The following ZSWIM8 variants were observed in gnomAD, a reference collection of about 807,000 sequenced individuals.
The protein encoded by ZSWIM8 is zinc finger SWIM domain-containing protein 8.
Under a neutral mutation model 173.7 loss-of-function variants are expected in ZSWIM8, and 27 were observed. That is an observed-to-expected ratio of 0.16 (90% CI 0.11 to 0.21). The LOEUF is 0.21. Among genes scored for constraint, ZSWIM8 ranks in the 10% least tolerant of loss-of-function variants. The pLI, the probability that ZSWIM8 is intolerant of heterozygous loss-of-function variation, is 1.00. For synonymous variants in ZSWIM8, 958 were observed against 962.0 expected, an observed-to-expected ratio of 1.00 and a Z score of 0.08; for missense variants, 1,627 against 2,428.8, an observed-to-expected ratio of 0.67 and a Z score of 6.94.
chr10:73,792,817 G>A lies in ZSWIM8; in HGVS notation c.2278G>A (p.Gly760Arg). 1 of 1,592,238 alleles carries A rather than the reference G, an allele frequency of 6.3e-7. No homozygotes were observed. The highest frequency in any genetic ancestry group is 8.5e-7 in the Non-Finnish European group (1 of 1,173,548). ...TGGGGAGGAGCACGACCTGTTTGCT[G>A]GGCTGAAGCCACTGGAACAGGAGAG... ...GAGEEHDLFA[G>R]LKPLEQESRM... The change falls in exon 10 of 26, where the codon GGG (glycine) becomes AGG (arginine). Residue 760 changes from glycine to arginine, a missense_variant. Physicochemically the swap from Gly to Arg is moderately radical, Grantham distance 125. Transcript: ENST00000604729. The surrounding 1 kb of genome is among the most constrained non-coding windows in gnomAD (Gnocchi z 4.3).
chr10:73,788,844 G>T, intron 2 of ZSWIM8, 21 bp downstream of exon 2: 1 of 1,612,520 alleles, frequency 6.2e-7, no homozygotes. Context: ...AGGACTGATG[G>T]TGGGGAGCGG....
chr10:73,792,793 G>A lies in ZSWIM8; in HGVS notation c.2254G>A (p.Gly752Arg), dbSNP rs1298040793. The change falls in exon 10 of 26, where the codon GGG (glycine) becomes AGG (arginine). Residue 752 changes from glycine to arginine, a missense_variant. Physicochemically the swap from Gly to Arg is moderately radical, Grantham distance 125. Coordinates refer to ENST00000604729, the MANE Select transcript of ZSWIM8 (RefSeq NM_001367799.1). The surrounding 1 kb of genome is among the most constrained non-coding windows in gnomAD (Gnocchi z 4.3). ...GGAAGAGAAGGCCGAGGGCGGGGCT[G>A]GGGAGGAGCACGACCTGTTTGCTGG... ...GEEEKAEGGA[G>R]EEHDLFAGLK... is the part of the protein sequence containing the mutation. 2 of 1,605,356 alleles carry A rather than the reference G, an allele frequency of 1.2e-6. No individual in the cohort carries two copies. The highest frequency in any genetic ancestry group is 1.3e-5 in the African/African-American group (1 of 74,880).
In ZSWIM8 at chr10:73,792,332, C is replaced by T; in HGVS notation, c.1793C>T (p.Ser598Leu). 1 of 1,612,848 alleles carries T rather than the reference C, an allele frequency of 6.2e-7. No individual in the cohort carries two copies. Among genetic ancestry groups the T allele is most frequent in the Non-Finnish European group, 8.5e-7 (1 of 1,179,496 alleles). Reference protein sequence around the residue: ...LGGAGSGSKGSAGGGSKRRLS... With the variant: ...LGGAGSGSKGLAGGGSKRRLS... ...GGGGCTGGCAGTGGGAGCAAGGGCT[C>T]AGCAGGTGGCGGAAGCAAGCGACGG... Residue 598 changes from serine to leucine, a missense_variant, in exon 10 of 26, where the codon TCA becomes TTA. Around this residue, in one of 18 missense-constraint regions of ZSWIM8, gnomAD observed 383 missense variants for 394.8 expected, o/e 0.97. Transcript: ENST00000604729. This position sits in a 1 kb window ranked among gnomAD's most constrained non-coding sequence, Gnocchi z 4.3.
Position 73,797,891 on chromosome 10 carries a change from G to C in ZSWIM8, c.3773G>C (p.Gly1258Ala). 1 of 1,613,912 alleles carries C rather than the reference G, an allele frequency of 6.2e-7. No homozygotes were observed. ...ELAKTVLIKAGGNSSTSIFTH... is the reference protein window; with the variant it reads ...ELAKTVLIKAAGNSSTSIFTH... ...GCGAAGACAGTGCTGATCAAGGCAGGGGGCAACAGCAGCACTTCCATTTTC... is the reference window on the plus strand; with the variant it reads ...GCGAAGACAGTGCTGATCAAGGCAGCGGGCAACAGCAGCACTTCCATTTTC... Residue 1258 changes from glycine to alanine, a missense_variant, in exon 19 of 26, where the codon GGG becomes GCG. Physicochemically the swap from Gly to Ala is moderately conservative, Grantham distance 60 (BLOSUM62 0). Coordinates refer to ENST00000604729, the MANE Select transcript of ZSWIM8 (RefSeq NM_001367799.1). This position sits in a 1 kb window ranked among gnomAD's most constrained non-coding sequence, Gnocchi z 5.6.
Position 73,792,537 on chromosome 10 carries a change from T to G in ZSWIM8, c.1998T>G (p.Thr666=). The change falls in exon 10 of 26, where the codon ACT becomes ACG. Residue 666 remains threonine, a synonymous_variant. Transcript: ENST00000604729. The surrounding 1 kb of genome is among the most constrained non-coding windows in gnomAD (Gnocchi z 4.3). ...CTTTCCTTCCTGAGCCCCCAGATAC[T>G]TATGAAGAAGATGGTGGTGTGTACT... ...PSTFLPEPPD[T]YEEDGGVYFS... is the part of the protein sequence containing the mutation. 1 of 1,613,988 alleles carries G rather than the reference T, an allele frequency of 6.2e-7. No individual in the cohort carries two copies. The highest frequency in any genetic ancestry group is 8.5e-7 in the Non-Finnish European group (1 of 1,179,864).
Position 73,800,796 on chromosome 10 carries a change from C to A in ZSWIM8, c.5122+37C>A, listed in dbSNP as rs550813634. On this transcript the variant is annotated intron_variant, in intron 24 of 25. Transcript: ENST00000604729. This position sits in a 1 kb window ranked among gnomAD's most constrained non-coding sequence, Gnocchi z 4.1. Reference sequence around the variant, plus strand: ...CCTCCCTAGGACCATTGCCCCCCCCCCACCTGCTCTCCCCACCTTCCTTAT... The same window carrying A: ...CCTCCCTAGGACCATTGCCCCCCCCACACCTGCTCTCCCCACCTTCCTTAT... 79 of 1,468,588 alleles carry A rather than the reference C, an allele frequency of 5.4e-5. No individual in the cohort carries two copies. Among genetic ancestry groups the A allele is most frequent in the Non-Finnish European group, 6.1e-5 (66 of 1,076,360 alleles). 91.0% of individuals were successfully genotyped at this position (1,468,588 alleles called of 1,614,324 possible). A position where few individuals can be genotyped will look rare whatever the true frequency, so the allele number is the denominator to read the frequency against.
chr10:73,793,842 T>C lies in ZSWIM8; in HGVS notation c.2446-23T>C, dbSNP rs564884796. 122 of 1,592,778 alleles carry C rather than the reference T, an allele frequency of 7.7e-5. 4 individuals carry two copies. In the South Asian group the frequency reaches 1.3e-3, roughly 17 times the overall value. On this transcript the variant is annotated intron_variant, in intron 11 of 25. Coordinates refer to ENST00000604729, the MANE Select transcript of ZSWIM8 (RefSeq NM_001367799.1). ...GGTAAGTCAGAATCATCTGCCTGTC[T>C]CCTGTGTTTCTTCCCTTTCTAGGGC...
intron 2 of ZSWIM8, 110 bp from the exon 3 acceptor site, chr10:73,788,986 T>G: frequency 2.1e-6 from 1 of 474,934 alleles, no homozygotes; most frequent in Non-Finnish European, 3.4e-6. Flanking sequence ...CCCCCCGCCC[T>G]GGGGAAGGAA....
chr10:73,794,865 ATTGT>A, intron 14 of ZSWIM8: 1 of 289,116 alleles, frequency 3.5e-6, no homozygotes, highest in Non-Finnish European at 6.6e-6. Context: ...AAGCAGGAGG[ATTGT>A]TTGAGCTCAG....
rs756146716 is a variant in ZSWIM8 at position 73,800,710 on chromosome 10, C to T, written c.5073C>T (p.Pro1691=). The T allele has an allele frequency of 1.2e-6, 2 of 1,613,800 alleles. No homozygotes were observed. The highest frequency in any genetic ancestry group is 1.7e-6 in the Non-Finnish European group (2 of 1,179,814). The change falls in exon 24 of 26, where the codon CCC becomes CCT. Residue 1691 remains proline, a synonymous_variant. Coordinates refer to ENST00000604729, the MANE Select transcript of ZSWIM8 (RefSeq NM_001367799.1). This position sits in a 1 kb window ranked among gnomAD's most constrained non-coding sequence, Gnocchi z 4.1. The part of the protein sequence containing the change: ...NDHPNNFSRS[P]PYTDDVKWLL... The stretch of plus-strand genomic sequence containing the variant: ...ACCCCAACAACTTCTCCCGCTCCCC[C>T]CCCTACACTGATGATGTCAAATGGT...
Position 73,785,766 on chromosome 10 carries a change from C to A in ZSWIM8, c.-113C>A. 1 of 1,195,980 alleles carries A rather than the reference C, an allele frequency of 8.4e-7. No individual in the cohort carries two copies. The highest frequency in any genetic ancestry group is 1.2e-6 in the Non-Finnish European group (1 of 852,352). The allele number at this position is 1,195,980 out of a possible 1,614,324, so 74.1% of individuals were successfully genotyped here. ...GGCACGGCCGCCCTGAGCGCCCCGG[C>A]CACCCCCAGCCCCGGCTCGCCCCTC... On this transcript the variant is annotated 5_prime_UTR_variant, in exon 1 of 26. Transcript: ENST00000604729.
intron 6 of ZSWIM8, 56 bp downstream of exon 6, chr10:73,790,093 C>T (rs1257309611): frequency 2.1e-5 from 33 of 1,609,488 alleles, no homozygotes; most frequent in African/African-American, 6.7e-5. Context: ...TAGTACAGAG[C>T]GCCATTTACT....
At chr10:73,793,808 C>G (rs1019279209) in intron 11 of ZSWIM8, 57 bp from the exon 12 acceptor site, 1 of 1,566,874 alleles carries the variant, frequency 6.4e-7, no homozygotes, top group Admixed American at 1.8e-5. Flanking sequence ...ATCCTTCTAC[C>G]TCCACCAAGG....
At chr10:73,795,873 G>C (rs555201290) in intron 15 of ZSWIM8, among the ~76,000 whole-genome samples, 1 of 151,260 alleles carries the variant, frequency 6.6e-6, no homozygotes, top group East Asian at 2.0e-4. Flanking sequence ...TGAGGTGGGA[G>C]GATTGCTTGA....
chr10:73,798,268 C>T lies in ZSWIM8; in HGVS notation c.3991C>T (p.Leu1331=). The change falls in exon 20 of 26, where the codon CTG becomes TTG. Residue 1331 remains leucine (L), a synonymous_variant. Coordinates refer to ENST00000604729, the MANE Select transcript of ZSWIM8 (RefSeq NM_001367799.1). ...MEIGSAALTI[L]VECWDGHLTP... is the part of the protein sequence containing the mutation. Reference sequence around the variant, plus strand: ...GATAGGCAGCGCAGCCCTGACTATACTGGTAGAATGCTGGGATGGGCACCT... The same window carrying T: ...GATAGGCAGCGCAGCCCTGACTATATTGGTAGAATGCTGGGATGGGCACCT... 1.9e-6 allele frequency: 3 copies of T among 1,614,024 alleles called. No individual in the cohort carries two copies. The highest frequency in any genetic ancestry group is 2.5e-6 in the Non-Finnish European group (3 of 1,179,890).
rs1360566594 is a variant in ZSWIM8, at chr10:73,801,793, A to G, written c.*274A>G. ...AATATATAAACTCCTTTTTTACTCTAGTCGACCTGGGCCTTTCCCTTCTTT... is the reference window on the plus strand; with the variant it reads ...AATATATAAACTCCTTTTTTACTCTGGTCGACCTGGGCCTTTCCCTTCTTT... On this transcript the variant is annotated 3_prime_UTR_variant, in exon 26 of 26. Coordinates refer to ENST00000604729, the MANE Select transcript of ZSWIM8 (RefSeq NM_001367799.1). This position sits in a 1 kb window ranked among gnomAD's most constrained non-coding sequence, Gnocchi z 4.9. 2 of 1,383,782 alleles carry G rather than the reference A, an allele frequency of 1.4e-6. No individual in the cohort carries two copies. Among genetic ancestry groups the G allele is most frequent in the South Asian group, 2.6e-5 (2 of 76,000 alleles). The allele number at this position is 1,383,782 out of a possible 1,614,324, so 85.7% of individuals were successfully genotyped here.
In ZSWIM8 at chr10:73,801,624, T is replaced by A; in HGVS notation, c.*105T>A. The A allele has an allele frequency of 6.5e-7, 1 of 1,540,804 alleles. No individual in the cohort carries two copies. Among genetic ancestry groups the A allele is most frequent in the Non-Finnish European group, 8.7e-7 (1 of 1,148,662 alleles). ...GCTGGACAGATCATCCTCACTCAGT[T>A]CCCTGGTAGCACAGACTGACAGCTG... On this transcript the variant is annotated 3_prime_UTR_variant, in exon 26 of 26. Transcript: ENST00000604729. This position sits in a 1 kb window ranked among gnomAD's most constrained non-coding sequence, Gnocchi z 4.9.
chr10:73,794,514 G>A (rs2083539156), intron 13 of ZSWIM8, 27 bp from the exon 14 acceptor site: 6 of 1,565,506 alleles, frequency 3.8e-6, no homozygotes, highest in East Asian at 2.4e-5. Context: ...ACTTCTGTCT[G>A]CCTGACTTAC....
Position 73,792,710 on chromosome 10 carries a change from A to G in ZSWIM8, c.2171A>G (p.Glu724Gly), listed in dbSNP as rs2083462541. Residue 724 changes from glutamate to glycine, a missense_variant, in exon 10 of 26, where the codon GAG becomes GGG. Glu to Gly is a moderately conservative substitution (Grantham distance 98). This residue lies in a region of ZSWIM8 where 383 missense variants were observed against 394.8 expected (regional missense o/e 0.97). Transcript: ENST00000604729. This position sits in a 1 kb window ranked among gnomAD's most constrained non-coding sequence, Gnocchi z 4.3. The part of the protein sequence containing the change: ...KTKEAAPAVG[E>G]EDDDYQAYYL... ...AAAGAGGCAGCCCCTGCAGTTGGAG[A>G]GGAGGATGATGACTACCAGGCGTAC... 1 of 1,613,868 alleles carries G rather than the reference A, an allele frequency of 6.2e-7. No individual in the cohort carries two copies. Among genetic ancestry groups the G allele is most frequent in the Non-Finnish European group, 8.5e-7 (1 of 1,179,866 alleles).
Sources: gnomAD v4.1 joint callset for allele counts (sites outside exome capture counted in the v4.1 genomes callset) on GRCh38, gnomAD v4.1.1 for gene constraint, gnomAD v4.1.1 regional missense constraint, Gnocchi (gnomAD v3.1) non-coding constraint, MANE v1.5 for transcripts, NCBI Gene and HGNC (gene_info 2026-07-23, HGNC 2026-07-21) for gene names.